Variants in BUD31 observed in about 807,000 individuals in gnomAD.
The protein encoded by BUD31 is BUD31 spliceosome associated protein, also known as protein BUD31 homolog.
In BUD31, 9 loss-of-function variants were observed where a neutral mutation model predicts 17.9. That is an observed-to-expected ratio of 0.50 (90% CI 0.30 to 0.88). The LOEUF (loss-of-function observed/expected upper bound fraction) is 0.88. Ranked by LOEUF, BUD31 falls within the 40% of genes least tolerant of loss-of-function variation. BUD31 has a pLI of 0.06. For synonymous variants in BUD31, 70 were observed against 64.7 expected (o/e 1.08, Z -0.39); for missense variants, 148 against 184.5 (o/e 0.80, Z 1.15).
intron 5 of BUD31, 85 bp from the exon 6 acceptor site, chr7:99,419,306 C>G: frequency 6.6e-7 from 1 of 1,521,338 alleles, no homozygotes; most frequent in South Asian, 1.1e-5. Flanking sequence ...GTGGCAGGTC[C>G]TTCGTGGGAG....
chr7:99,416,976 G>T (rs1795513591), intron 4 of BUD31: 1 of 163,804 alleles, frequency 6.1e-6, no homozygotes, highest in Admixed American at 5.7e-5. Flanking sequence ...AAAAGTGCTG[G>T]GATTACAGGT....
At chr7:99,418,420 C>T (rs561362568) in intron 5 of BUD31, 48 of 154,422 alleles carry the variant, frequency 3.1e-4, no homozygotes, top group Non-Finnish European at 5.2e-4. Context: ...CAGCAGTGGC[C>T]GCTCAGTGCA....
chr7:99,417,867 G>C, intron 5 of BUD31: 1 of 1,390,138 alleles, frequency 7.2e-7, no homozygotes, highest in Non-Finnish European at 9.4e-7. Context: ...GTGGTGGGGA[G>C]CCCTAATCCC....
intron 2 of BUD31, among the ~76,000 whole-genome samples, chr7:99,410,441 A>G (rs1449008991): frequency 6.8e-6 from 1 of 146,314 alleles, no homozygotes; most frequent in Admixed American, 7.0e-5. Flanking sequence ...CATTGCTCAG[A>G]CTGGTCTCAA....
chr7:99,409,559 C>T (rs1720723853), intron 1 of BUD31, among the ~76,000 whole-genome samples: 1 of 152,054 alleles, frequency 6.6e-6, no homozygotes, highest in African/African-American at 2.4e-5. Context: ...TTGTCACAGA[C>T]TATGCGCCTT....
In BUD31 at chr7:99,419,546, C is replaced by A; in HGVS notation, c.*105C>A. The A allele has an allele frequency of 7.5e-7, 1 of 1,331,390 alleles. No homozygotes were observed. 82.5% of individuals were successfully genotyped at this position (1,331,390 alleles called of 1,614,324 possible). A position where few individuals can be genotyped will look rare whatever the true frequency, so the allele number is the denominator to read the frequency against. On this transcript the variant is annotated 3_prime_UTR_variant, in exon 6 of 6. Coordinates refer to ENST00000222969, the MANE Select transcript of BUD31 (RefSeq NM_003910.4). Reference sequence around the variant, plus strand: ...AGTGCCCCAGGCCCGAGTTGGAGCACGGTCTCTATGGGGAAGGCTTCGCTG... The same window carrying A: ...AGTGCCCCAGGCCCGAGTTGGAGCAAGGTCTCTATGGGGAAGGCTTCGCTG...
intron 3 of BUD31, among the ~76,000 whole-genome samples, chr7:99,412,782 T>G (rs997253018): frequency 1.3e-5 from 2 of 150,530 alleles, no homozygotes; most frequent in African/African-American, 2.5e-5. Flanking sequence ...CAGCTAATTT[T>G]TTTTTTTTTT....
chr7:99,411,766 G>T, intron 3 of BUD31: 1 of 451,870 alleles, frequency 2.2e-6, no homozygotes, highest in Middle Eastern at 4.8e-4. Context: ...GTGCAGTGGC[G>T]TGATCTCGGC....
intron 5 of BUD31, chr7:99,418,997 T>A: frequency 4.2e-6 from 1 of 235,880 alleles, no homozygotes. Context: ...CCTGCCCTCT[T>A]CCCCCACCAG....
chr7:99,417,966 A>G, intron 5 of BUD31: 1 of 1,192,552 alleles, frequency 8.4e-7, no homozygotes, highest in Non-Finnish European at 1.1e-6. Context: ...CATTACCATC[A>G]CTATCTTTCC....
At chr7:99,410,918 G>A (rs776624437) in intron 2 of BUD31, 146 bp from the exon 3 acceptor site, 201 of 597,842 alleles carry the variant, frequency 3.4e-4, no homozygotes, top group Non-Finnish European at 5.7e-4. Context: ...AGCAGAGCCA[G>A]GATTTGAACA....
intron 3 of BUD31, among the ~76,000 whole-genome samples, chr7:99,415,524 A>G (rs184550064): frequency 2.2e-4 from 34 of 152,210 alleles, no homozygotes; most frequent in Admixed American, 1.8e-3. Flanking sequence ...GGCGGGCCTG[A>G]CTGATGTCAG....
chr7:99,411,270 A>G, intron 3 of BUD31, 84 bp downstream of exon 3: 1 of 1,029,552 alleles, frequency 9.7e-7, no homozygotes, highest in African/African-American at 1.6e-5. Context: ...ATAAATGCAA[A>G]TATAAAAAGA....
chr7:99,411,833 A>G, intron 3 of BUD31: 2 of 401,304 alleles, frequency 5.0e-6, no homozygotes, highest in Admixed American at 5.9e-5. Context: ...CAGCCTCTCG[A>G]GTAATTTGGA....
At chr7:99,419,348 G>A (rs1478486995) in intron 5 of BUD31, 43 bp from the exon 6 acceptor site, 4 of 1,609,176 alleles carry the variant, frequency 2.5e-6, no homozygotes, top group East Asian at 2.2e-5. Flanking sequence ...GCAGGGGCGA[G>A]CGTGGCGCAG....
chr7:99,417,144 C>A (rs148052635), intron 4 of BUD31: 17,386 of 350,502 alleles, frequency 0.05, 2,540 homozygotes, highest in African/African-American at 0.32. Context: ...ACAACCTCCG[C>A]CTCCTGGGTT....
At chr7:99,410,403 T>TTTTTTGTTTTGTTTTG (rs1584429019) in intron 2 of BUD31, among the ~76,000 whole-genome samples, 1 of 151,078 alleles carries the variant, frequency 6.6e-6, no homozygotes, top group East Asian at 2.0e-4. Flanking sequence ...GATTTTTTTT[T>TTTTTTGTTTTGTTTTG]TTTTTTGGTA....
chr7:99,411,049 A>AT lies in BUD31; in HGVS notation c.-29-8dup, dbSNP rs760055097. 2 of 1,554,636 alleles carry AT rather than the reference A, an allele frequency of 1.3e-6. No individual in the cohort carries two copies. Among genetic ancestry groups the AT allele is most frequent in the South Asian group, 1.1e-5 (1 of 88,368 alleles). ...GGATTTGAGACTCAGAAACCAATTC[A>AT]TTTTTTTCCCCCAGATCTTTGCAGA... On this transcript the variant is annotated splice_polypyrimidine_tract_variant and intron_variant, in intron 2 of 5. Transcript: ENST00000222969.
intron 3 of BUD31, among the ~76,000 whole-genome samples, chr7:99,411,570 C>A (rs1562829376): frequency 6.6e-6 from 1 of 152,166 alleles, no homozygotes; most frequent in Non-Finnish European, 1.5e-5. Flanking sequence ...CATCTGTTTT[C>A]TGTCACTTCC....
Sources: allele counts gnomAD v4.1 joint callset (sites outside exome capture counted in the v4.1 genomes callset), GRCh38; gene constraint gnomAD v4.1.1; transcripts MANE v1.5; gene names NCBI Gene and HGNC (gene_info 2026-07-23, HGNC 2026-07-21).